PLXDC2: variants seen among roughly 807,000 people sequenced by gnomAD.
PLXDC2 encodes plexin domain containing 2.
PLXDC2 carries 40 observed loss-of-function variants against 68.9 expected under a neutral mutation model. The observed-to-expected ratio is 0.58, with a 90% CI of 0.45 to 0.76. The LOEUF (loss-of-function observed/expected upper bound fraction) is 0.76. PLXDC2 is among the 30% of genes least tolerant of loss of function. The pLI, the probability that PLXDC2 is intolerant of heterozygous loss-of-function variation, is 0.00. For missense variants in PLXDC2, 644 were observed against 661.9 expected (o/e 0.97, Z 0.30); for synonymous variants, 243 against 234.2 (o/e 1.04, Z -0.34).
chr10:19,986,710 T>A (rs1044103842), intron 1 of PLXDC2, among the ~76,000 whole-genome samples: 7 of 152,238 alleles, frequency 4.6e-5, no homozygotes, highest in Admixed American at 3.3e-4. Flanking sequence ...AACACGGTGA[T>A]GTCTTTTCCT....
chr10:19,852,604 A>G (rs1837142821), intron 1 of PLXDC2, among the ~76,000 whole-genome samples: 1 of 152,138 alleles, frequency 6.6e-6, no homozygotes, highest in Non-Finnish European at 1.5e-5. Flanking sequence ...ATACTGTTCC[A>G]CCTCATATTC....
intron 2 of PLXDC2, among the ~76,000 whole-genome samples, chr10:20,020,564 T>C (rs1279713103): frequency 2.0e-5 from 3 of 152,126 alleles, no homozygotes; most frequent in African/African-American, 7.2e-5. Context: ...GAGATATATA[T>C]ATATGTATAT....
At chr10:20,165,382 CTCG>C (rs1834360814) in intron 7 of PLXDC2, among the ~76,000 whole-genome samples, 2 of 152,064 alleles carry the variant, frequency 1.3e-5, no homozygotes, top group African/African-American at 4.8e-5. Flanking sequence ...CACCCACTAA[CTCG>C]TCATCTAGCA....
At chr10:19,828,727 A>G (rs1208351353) in intron 1 of PLXDC2, among the ~76,000 whole-genome samples, 1 of 152,160 alleles carries the variant, frequency 6.6e-6, no homozygotes, top group Non-Finnish European at 1.5e-5. Context: ...CTGTTTTTAG[A>G]AGAGGTGTTT....
chr10:19,897,441 C>A (rs1838078933), intron 1 of PLXDC2, among the ~76,000 whole-genome samples: 1 of 151,930 alleles, frequency 6.6e-6, no homozygotes, highest in Non-Finnish European at 1.5e-5. Flanking sequence ...GAGGGGGTTT[C>A]TCCACGTTAG....
rs572552431 is a variant in PLXDC2, at chr10:20,018,864, G to C, written c.324+16878G>C. ...CCTAAAAATAAACAAATGAGGTTAAGTTGTAGGATCATATGAACACCACAT... is the reference window on the plus strand; with the variant it reads ...CCTAAAAATAAACAAATGAGGTTAACTTGTAGGATCATATGAACACCACAT... On this transcript the variant is annotated intron_variant, in intron 2 of 13. Coordinates refer to ENST00000377252, the MANE Select transcript of PLXDC2 (RefSeq NM_032812.9). Among the ~76,000 whole-genome samples, 3 of 152,250 alleles carry C rather than the reference G, an allele frequency of 2.0e-5. No individual in the cohort carries two copies. In the East Asian group the frequency reaches 5.8e-4, roughly 29 times the overall value.
At chr10:19,920,162 C>T (rs956587439) in intron 1 of PLXDC2, among the ~76,000 whole-genome samples, 5 of 152,140 alleles carry the variant, frequency 3.3e-5, no homozygotes, top group Admixed American at 6.5e-5. Context: ...GTCATGGTTG[C>T]GTGTGATACG....
chr10:20,133,571 G>A (rs1833897248), intron 4 of PLXDC2, among the ~76,000 whole-genome samples: 1 of 152,126 alleles, frequency 6.6e-6, no homozygotes, highest in South Asian at 2.1e-4. Context: ...CACCCTGGTA[G>A]CCTTACAGAC....
At chr10:20,263,490 A>C (rs1018463788) in intron 13 of PLXDC2, among the ~76,000 whole-genome samples, 41 of 152,240 alleles carry the variant, frequency 2.7e-4, no homozygotes, top group Non-Finnish European at 4.1e-4. Context: ...TTGTAACAAA[A>C]GCAAAAATTG....
At chr10:20,160,167 AGT>A (rs1321561733) in intron 6 of PLXDC2, among the ~76,000 whole-genome samples, 4 of 152,188 alleles carry the variant, frequency 2.6e-5, no homozygotes, top group Non-Finnish European at 4.4e-5. Context: ...TCAAATGGAC[AGT>A]GTGTATGCCT....
At chr10:20,135,872 T>G (rs1299400837) in intron 4 of PLXDC2, among the ~76,000 whole-genome samples, 2 of 152,192 alleles carry the variant, frequency 1.3e-5, no homozygotes, top group African/African-American at 2.4e-5. Flanking sequence ...ATACAAAATC[T>G]ATTTGATGTA....
chr10:19,904,668 T>C, intron 1 of PLXDC2, among the ~76,000 whole-genome samples: 1 of 152,130 alleles, frequency 6.6e-6, no homozygotes, highest in East Asian at 1.9e-4. Flanking sequence ...TTGGATTTCT[T>C]GGTATGTTCC....
chr10:19,966,933 G>A (rs1834273305), intron 1 of PLXDC2, among the ~76,000 whole-genome samples: 1 of 152,298 alleles, frequency 6.6e-6, no homozygotes, highest in Non-Finnish European at 1.5e-5. Context: ...GTGCTGGGTC[G>A]CTGTTTCCAC....
At chr10:19,859,066 G>A (rs555887386) in intron 1 of PLXDC2, among the ~76,000 whole-genome samples, 5 of 151,680 alleles carry the variant, frequency 3.3e-5, no homozygotes, top group Non-Finnish European at 5.9e-5. Flanking sequence ...GAGAGGAGGA[G>A]GTGCCAGGCT....
chr10:20,177,013 A>G lies in PLXDC2; in HGVS notation c.898A>G (p.Thr300Ala), dbSNP rs1413474599. 4 of 1,604,776 alleles carry G rather than the reference A, an allele frequency of 2.5e-6. No individual in the cohort carries two copies. The highest frequency in any genetic ancestry group is 3.4e-6 in the Non-Finnish European group (4 of 1,176,806). Residue 300 changes from threonine (T) to alanine (A), a missense_variant, in exon 8 of 14, where the codon ACA becomes GCA. By Grantham distance (58) the Thr-to-Ala change is moderately conservative (BLOSUM62 0). Coordinates refer to ENST00000377252, the MANE Select transcript of PLXDC2 (RefSeq NM_032812.9). ...IQQIPNVRRRTIYEYHRVELQ... is the reference protein window; with the variant it reads ...IQQIPNVRRRAIYEYHRVELQ... ...TTTTTTTCTAGATGTTCGAAGAAGA[A>G]CAATTTATGAATACCACCGAGTAGA...
At chr10:20,233,911 C>G (rs1357818654) in intron 12 of PLXDC2, among the ~76,000 whole-genome samples, 2 of 152,068 alleles carry the variant, frequency 1.3e-5, no homozygotes, top group Admixed American at 6.6e-5. Flanking sequence ...GCCTGGAACT[C>G]TTGGGCTCAA....
At chr10:19,996,374 G>A (rs567130073) in intron 1 of PLXDC2, among the ~76,000 whole-genome samples, 3 of 152,262 alleles carry the variant, frequency 2.0e-5, no homozygotes, top group Admixed American at 6.5e-5. Context: ...TTGAGGCCAG[G>A]GGTTTGAGGC....
At chr10:19,961,799 T>C (rs1408397523) in intron 1 of PLXDC2, among the ~76,000 whole-genome samples, 2 of 152,196 alleles carry the variant, frequency 1.3e-5, no homozygotes, top group East Asian at 1.9e-4. Context: ...AACTTCTGAA[T>C]TGAAGCTTGA....
At chr10:19,890,676 CTTTTTTTTTTTTTTTTTTT>C (rs56921191) in intron 1 of PLXDC2, among the ~76,000 whole-genome samples, 5 of 61,148 alleles carry the variant, frequency 8.2e-5, no homozygotes, top group South Asian at 1.9e-3. Flanking sequence ...CGCCCGGCTG[CTTTTTTTTTTTTTTTTTTT>C]TTTTTTTTTT....
Sources: allele counts gnomAD v4.1 joint callset (sites outside exome capture counted in the v4.1 genomes callset), GRCh38; gene constraint gnomAD v4.1.1; transcripts MANE v1.5; gene names NCBI Gene and HGNC (gene_info 2026-07-23, HGNC 2026-07-21).